NCALD: variants seen among roughly 807,000 people sequenced by gnomAD.
NCALD encodes the protein neurocalcin-delta.
NCALD carries 10 observed loss-of-function variants against 18.6 expected under a neutral mutation model. The ratio of observed to expected loss-of-function variants is 0.54; its 90% CI spans 0.33 to 0.91. The LOEUF is 0.91. Among genes scored for constraint, NCALD ranks in the 40% least tolerant of loss-of-function variants. NCALD has a pLI of 0.03. For missense variants in NCALD, 184 were observed against 247.6 expected (o/e 0.74, Z 1.72); for synonymous variants, 88 against 87.4 (o/e 1.01, Z -0.04).
intron 4 of NCALD, among the ~76,000 whole-genome samples, chr8:101,859,297 A>T (rs1397510292): frequency 1.3e-5 from 2 of 152,206 alleles, no homozygotes; most frequent in African/African-American, 2.4e-5. Flanking sequence ...CTTCAGCCAC[A>T]GACTGACGGT....
At chr8:102,011,379 A>G (rs1330647203) in intron 2 of NCALD, among the ~76,000 whole-genome samples, 1 of 152,214 alleles carries the variant, frequency 6.6e-6, no homozygotes, top group African/African-American at 2.4e-5. Flanking sequence ...GAGAAAAGCT[A>G]CATCTTCCTC....
At chr8:101,926,677 C>T (rs1169618839) in intron 2 of NCALD, among the ~76,000 whole-genome samples, 1 of 152,164 alleles carries the variant, frequency 6.6e-6, no homozygotes, top group African/African-American at 2.4e-5. Flanking sequence ...AATTTCCCCC[C>T]ACTCTTCTCC....
chr8:101,690,139 G>A (rs1196279769), intron 3 of NCALD, among the ~76,000 whole-genome samples: 1 of 144,612 alleles, frequency 6.9e-6, no homozygotes, highest in Non-Finnish European at 1.5e-5. Context: ...TTTCCTTTCT[G>A]CTTACTCTGG....
chr8:101,731,937 G>C (rs1816852391), intron 1 of NCALD, among the ~76,000 whole-genome samples: 1 of 152,232 alleles, frequency 6.6e-6, no homozygotes, highest in Non-Finnish European at 1.5e-5. Context: ...GGGAGTGTCT[G>C]AAGTCAAAGG....
At chr8:101,829,787 C>A (rs1045365938) in intron 4 of NCALD, among the ~76,000 whole-genome samples, 1 of 152,096 alleles carries the variant, frequency 6.6e-6, no homozygotes, top group East Asian at 1.9e-4. Context: ...CAGCAAACAT[C>A]CTACACAGCA....
At chr8:101,702,561 G>A (rs1476797258) in intron 2 of NCALD, among the ~76,000 whole-genome samples, 1 of 152,174 alleles carries the variant, frequency 6.6e-6, no homozygotes, top group Non-Finnish European at 1.5e-5. Context: ...GAATGAGAAT[G>A]TCCAAGATCT....
At chr8:101,771,097 T>C (rs887492388) in intron 1 of NCALD, among the ~76,000 whole-genome samples, 1 of 151,804 alleles carries the variant, frequency 6.6e-6, no homozygotes, top group African/African-American at 2.4e-5. Context: ...ACCTACCCCC[T>C]CCAAAAAATA....
In NCALD at chr8:101,735,602, G is replaced by A. The variant is rs572004853; in HGVS notation, c.-19-15954C>T. ...TTAAGTATGTCCCAAATGTTGATGG[G>A]CATACTTACACAAAAAATCTGTGGT... On this transcript the variant is annotated intron_variant, in intron 1 of 3. Transcript: ENST00000220931. Among the ~76,000 whole-genome samples, 22 of 152,238 alleles carry A rather than the reference G, an allele frequency of 1.4e-4. 1 individual carries two copies. In the South Asian group the frequency reaches 4.6e-3, roughly 32 times the overall value.
intron 2 of NCALD, among the ~76,000 whole-genome samples, chr8:101,920,883 G>A (rs1475421693): frequency 1.3e-5 from 2 of 152,098 alleles, no homozygotes; most frequent in Non-Finnish European, 2.9e-5. Flanking sequence ...TAAAATAAAA[G>A]TTGGAAAAAA....
intron 1 of NCALD, among the ~76,000 whole-genome samples, chr8:102,084,062 G>A (rs1022447260): frequency 1.3e-5 from 2 of 152,248 alleles, no homozygotes; most frequent in Non-Finnish European, 2.9e-5. Context: ...TGCAGGTGCA[G>A]ACTGAACACT....
intron 1 of NCALD, among the ~76,000 whole-genome samples, chr8:102,106,260 G>A (rs1371157750): frequency 6.6e-6 from 1 of 151,580 alleles, no homozygotes; most frequent in Non-Finnish European, 1.5e-5. Flanking sequence ...TTTAGTAGGG[G>A]GGGTGGTTTC....
chr8:101,743,296 G>C (rs1165423216), intron 1 of NCALD, among the ~76,000 whole-genome samples: 1 of 152,148 alleles, frequency 6.6e-6, no homozygotes, highest in East Asian at 1.9e-4. Flanking sequence ...GCATGATATG[G>C]GATGGAATGG....
intron 4 of NCALD, among the ~76,000 whole-genome samples, chr8:101,819,936 G>T (rs981421145): frequency 7.9e-5 from 12 of 152,168 alleles, no homozygotes; most frequent in Non-Finnish European, 1.6e-4. Flanking sequence ...TGAACCTGTG[G>T]ATGAAACAGT....
At chr8:102,092,169 T>C (rs759237034) in intron 1 of NCALD, among the ~76,000 whole-genome samples, 3 of 152,182 alleles carry the variant, frequency 2.0e-5, no homozygotes, top group Non-Finnish European at 2.9e-5. Flanking sequence ...GACCTGGTCG[T>C]CCTCACTGCT....
Position 101,893,024 on chromosome 8 carries a change from T to A in NCALD, c.-106-5797A>T, listed in dbSNP as rs201255254. ...GGAAATACAGAGAACGCCACAAAGATACTCCTCGAGAAGAGCAACTCCAAG... is the reference window on the plus strand; with the variant it reads ...GGAAATACAGAGAACGCCACAAAGAAACTCCTCGAGAAGAGCAACTCCAAG... On this transcript the variant is annotated intron_variant, in intron 3 of 6. Transcript: ENST00000311028. Among the ~76,000 whole-genome samples, 51 of 149,130 alleles carry A rather than the reference T, an allele frequency of 3.4e-4. No individual in the cohort carries two copies. The East Asian group carries it at 9.7e-3, about 28-fold the overall frequency.
intron 1 of NCALD, among the ~76,000 whole-genome samples, chr8:102,026,058 A>G (rs913955535): frequency 3.3e-5 from 5 of 152,156 alleles, no homozygotes; most frequent in African/African-American, 9.7e-5. Flanking sequence ...ACTGAGGGTA[A>G]CTGCATCAAT....
chr8:101,736,839 C>A (rs563870991), intron 1 of NCALD, among the ~76,000 whole-genome samples: 24 of 152,270 alleles, frequency 1.6e-4, no homozygotes, highest in African/African-American at 5.8e-4. Context: ...ACTTGTCACC[C>A]ATTCCCAGGC....
intron 1 of NCALD, among the ~76,000 whole-genome samples, chr8:102,046,777 C>T (rs1266768205): frequency 6.6e-6 from 1 of 150,840 alleles, no homozygotes; most frequent in Admixed American, 6.6e-5. Flanking sequence ...GCATGCCTGG[C>T]TCACAATGAG....
chr8:101,789,914 A>C (rs1227844685), intron 1 of NCALD, among the ~76,000 whole-genome samples: 2 of 152,222 alleles, frequency 1.3e-5, no homozygotes, highest in African/African-American at 4.8e-5. Flanking sequence ...TGTAGTAAAT[A>C]GTATTATAGG....
Sources: allele counts gnomAD v4.1 joint callset (sites outside exome capture counted in the v4.1 genomes callset), GRCh38; gene constraint gnomAD v4.1.1; transcripts MANE v1.5; gene names NCBI Gene and HGNC (gene_info 2026-07-23, HGNC 2026-07-21).